ABTB2: variants seen among roughly 807,000 people sequenced by gnomAD.
ABTB2 encodes the protein ankyrin repeat and BTB/POZ domain-containing protein 2.
In ABTB2, 56 loss-of-function variants were observed where a neutral mutation model predicts 104.1. The observed-to-expected ratio is 0.54, with a 90% CI of 0.43 to 0.67. The LOEUF (loss-of-function observed/expected upper bound fraction) is 0.67. ABTB2 is among the 30% of genes least tolerant of loss of function. ABTB2 has a pLI of 0.00. For synonymous variants in ABTB2, 606 were observed against 608.2 expected (o/e 1.00, Z 0.05); for missense variants, 1,279 against 1,407.7 (o/e 0.91, Z 1.46).
At chr11:34,287,812 G>A (rs12287333) in intron 1 of ABTB2, among the ~76,000 whole-genome samples, 5,846 of 152,030 alleles carry the variant, frequency 0.038, 378 homozygotes, top group African/African-American at 0.13. Context: ...CTCTGTTTCC[G>A]TGGTATTTTT....
At chr11:34,167,760 G>T (rs1184191708) in intron 6 of ABTB2, 143 bp downstream of exon 6, 3 of 863,610 alleles carry the variant, frequency 3.5e-6, no homozygotes, top group Non-Finnish European at 5.5e-6. Context: ...GCTAACAGTG[G>T]CCTCTGTGCA....
chr11:34,356,371 C>A lies in ABTB2; in HGVS notation c.883+330G>T, dbSNP rs1478206135. On this transcript the variant is annotated intron_variant, in intron 1 of 16. Coordinates refer to ENST00000435224, the MANE Select transcript of ABTB2 (RefSeq NM_145804.3). This position sits in a 1 kb window ranked among gnomAD's most constrained non-coding sequence, Gnocchi z 4.6. Reference sequence around the variant, plus strand: ...AGACCTAGTCAATCACGGTAAAGAGCCACGGGGCAGTAAGTTTCATTTCAA... The same window carrying A: ...AGACCTAGTCAATCACGGTAAAGAGACACGGGGCAGTAAGTTTCATTTCAA... Among the ~76,000 whole-genome samples the A allele has an allele frequency of 6.6e-6, 1 of 152,150 alleles. No individual in the cohort carries two copies. The highest frequency in any genetic ancestry group is 1.5e-5 in the Non-Finnish European group (1 of 68,038).
intron 12 of ABTB2, 85 bp from the exon 13 acceptor site, chr11:34,160,093 G>A (rs1340842581): frequency 7.6e-7 from 1 of 1,313,314 alleles, no homozygotes; most frequent in African/African-American, 1.4e-5. Context: ...TGCGTGTCTG[G>A]GGTTGGGGGT....
chr11:34,236,758 G>A (rs1463496208), intron 1 of ABTB2, among the ~76,000 whole-genome samples: 3 of 152,180 alleles, frequency 2.0e-5, no homozygotes, highest in African/African-American at 4.8e-5. Flanking sequence ...GTAGATAAAC[G>A]AAATCGCATC....
At chr11:34,351,552 CTATT>C (rs1855398160) in intron 1 of ABTB2, among the ~76,000 whole-genome samples, 1 of 152,166 alleles carries the variant, frequency 6.6e-6, no homozygotes, top group Non-Finnish European at 1.5e-5. Flanking sequence ...AATGCTGACT[CTATT>C]CATTGAGAAC....
intron 1 of ABTB2, among the ~76,000 whole-genome samples, chr11:34,258,732 C>T (rs946028240): frequency 1.3e-5 from 2 of 151,844 alleles, no homozygotes; most frequent in African/African-American, 4.8e-5. Flanking sequence ...CTGCCTCAGC[C>T]TCCTGAGTAA....
chr11:34,336,141 G>T, intron 1 of ABTB2: 1 of 212,272 alleles, frequency 4.7e-6, no homozygotes, highest in Non-Finnish European at 9.3e-6. Context: ...ATTGTATTGT[G>T]CTGTAATATA....
chr11:34,283,379 C>T (rs915500533), intron 1 of ABTB2, among the ~76,000 whole-genome samples: 2 of 151,416 alleles, frequency 1.3e-5, no homozygotes. Context: ...CCATGCTCAG[C>T]TAATTTTTGT....
At chr11:34,309,659 TA>T (rs35147356) in intron 1 of ABTB2, among the ~76,000 whole-genome samples, 38,119 of 149,690 alleles carry the variant, frequency 0.25, 5,510 homozygotes, top group Admixed American at 0.36. Context: ...GTTATGAAGT[TA>T]AAAAAAAAAA....
intron 1 of ABTB2, among the ~76,000 whole-genome samples, chr11:34,247,882 A>G (rs1273209481): frequency 1.3e-5 from 2 of 152,312 alleles, no homozygotes; most frequent in African/African-American, 4.8e-5. Context: ...AAATCGGTTC[A>G]GAGGCATAAA....
intron 7 of ABTB2, among the ~76,000 whole-genome samples, chr11:34,166,868 T>C (rs1225414933): frequency 2.0e-5 from 3 of 152,030 alleles, no homozygotes; most frequent in South Asian, 2.1e-4. Flanking sequence ...CCCCATGATA[T>C]AGAGTTGGCC....
intron 1 of ABTB2, among the ~76,000 whole-genome samples, chr11:34,225,259 G>A (rs1853671331): frequency 6.6e-6 from 1 of 151,936 alleles, no homozygotes; most frequent in Non-Finnish European, 1.5e-5. Flanking sequence ...GAGTGGGCTT[G>A]TCAGCCTGGT....
At chr11:34,170,763 C>T (rs1350028021) in intron 5 of ABTB2, 143 bp downstream of exon 5, 4 of 951,518 alleles carry the variant, frequency 4.2e-6, no homozygotes, top group Non-Finnish European at 6.1e-6. Context: ...CCAGGCAGGG[C>T]AGGATTCAGG....
At chr11:34,176,161 T>C (rs1852958932) in intron 3 of ABTB2, among the ~76,000 whole-genome samples, 1 of 151,718 alleles carries the variant, frequency 6.6e-6, no homozygotes. Context: ...TCACCTGTAG[T>C]TCCGGCTACT....
intron 1 of ABTB2, among the ~76,000 whole-genome samples, chr11:34,232,858 G>A (rs1407167514): frequency 6.6e-6 from 1 of 151,926 alleles, no homozygotes; most frequent in African/African-American, 2.4e-5. Context: ...TTCTTGGGAA[G>A]CTGAGGTGGG....
At position 34,294,945 on chromosome 11, in the gene ABTB2, A is replaced by G. The variant is rs58454833; in HGVS notation, c.883+61756T>C. Among the ~76,000 whole-genome samples the G allele has an allele frequency of 7.7e-3, 1,161 of 151,418 alleles. 15 individuals are homozygous for G. The highest frequency in any genetic ancestry group is 0.027 in the African/African-American group (1,120 of 41,312). ...TGGCCAGGCTGGTCTCAAACTCCTG[A>G]CCTCGTGATCCACCCACCTCACCCT... On this transcript the variant is annotated intron_variant, in intron 1 of 16. Transcript: ENST00000435224.
At chr11:34,308,882 A>AAAAAAAG (rs1252511057) in intron 1 of ABTB2, among the ~76,000 whole-genome samples, 25 of 150,934 alleles carry the variant, frequency 1.7e-4, no homozygotes, top group East Asian at 7.8e-4. Flanking sequence ...AAAAAAAAAA[A>AAAAAAAG]AAAAAGAAAA....
chr11:34,159,777 A>G, intron 13 of ABTB2, 129 bp downstream of exon 13: 1 of 738,492 alleles, frequency 1.4e-6, no homozygotes, highest in South Asian at 1.7e-5. Context: ...CTCTGCTGCA[A>G]TGTGACTGCA....
At chr11:34,248,086 T>C (rs1854006483) in intron 1 of ABTB2, among the ~76,000 whole-genome samples, 1 of 97,214 alleles carries the variant, frequency 1.0e-5, no homozygotes, top group African/African-American at 4.9e-5. Flanking sequence ...TACTTATCTA[T>C]AATTTTTCTT....
Sources: allele counts gnomAD v4.1 joint callset (sites outside exome capture counted in the v4.1 genomes callset), GRCh38; gene constraint gnomAD v4.1.1; non-coding constraint Gnocchi (gnomAD v3.1); transcripts MANE v1.5; gene names NCBI Gene and HGNC (gene_info 2026-07-23, HGNC 2026-07-21).